TSHZ2: variants seen among roughly 807,000 people sequenced by gnomAD.
TSHZ2 encodes the protein teashirt homolog 2.
A neutral mutation model predicts 74.4 loss-of-function variants in TSHZ2; 21 were observed. That is an observed-to-expected ratio of 0.28 (90% CI 0.20 to 0.41). The LOEUF (loss-of-function observed/expected upper bound fraction) is 0.41. Ranked by LOEUF, TSHZ2 falls within the 10% of genes least tolerant of loss-of-function variation. The pLI, the probability that TSHZ2 is intolerant of heterozygous loss-of-function variation, is 1.00. For synonymous variants in TSHZ2, 540 were observed against 515.3 expected (o/e 1.05, Z -0.65); for missense variants, 1,244 against 1,293.5 (o/e 0.96, Z 0.59).
At chr20:53,023,481 T>C (rs919715297) in intron 1 of TSHZ2, among the ~76,000 whole-genome samples, 1 of 152,294 alleles carries the variant, frequency 6.6e-6, no homozygotes, top group South Asian at 2.1e-4. Flanking sequence ...CAATTTACAT[T>C]TTTAGCCTCT....
intron 2 of TSHZ2, among the ~76,000 whole-genome samples, chr20:53,426,181 T>C (rs1983648921): frequency 2.0e-5 from 3 of 152,194 alleles, no homozygotes; most frequent in Admixed American, 1.3e-4. Context: ...AAGTAACCAA[T>C]GATTTTGATT....
At chr20:53,049,913 C>T (rs1001476426) in intron 1 of TSHZ2, among the ~76,000 whole-genome samples, 4 of 151,752 alleles carry the variant, frequency 2.6e-5, no homozygotes, top group East Asian at 3.9e-4. Flanking sequence ...GAAACCCTGT[C>T]TCTACTAAAA....
chr20:52,974,818 A>G (rs1392674859), intron 1 of TSHZ2, among the ~76,000 whole-genome samples: 6 of 152,128 alleles, frequency 3.9e-5, no homozygotes, highest in African/African-American at 1.4e-4. Context: ...TTGCTTCCCT[A>G]TTTGTAAGTT....
intron 1 of TSHZ2, among the ~76,000 whole-genome samples, chr20:53,053,287 G>A (rs1421601592): frequency 6.6e-6 from 1 of 151,688 alleles, no homozygotes; most frequent in East Asian, 1.9e-4. Context: ...TCATTCATTT[G>A]TTCATTTGTT....
intron 2 of TSHZ2, among the ~76,000 whole-genome samples, chr20:53,276,059 G>A (rs1344043832): frequency 1.3e-5 from 2 of 152,188 alleles, no homozygotes. Context: ...CTCATCCAAG[G>A]AGAGAGTTGG....
Position 53,212,334 on chromosome 20 carries a change from G to A in TSHZ2, c.41-41165G>A, listed in dbSNP as rs145008323. Among the ~76,000 whole-genome samples, 511 of 152,300 alleles carry A rather than the reference G, an allele frequency of 3.4e-3. 5 individuals are homozygous for A. The highest frequency in any genetic ancestry group is 0.012 in the African/African-American group (492 of 41,562). On this transcript the variant is annotated intron_variant, in intron 1 of 2. Transcript: ENST00000371497. ...TGGAGAAACCTAACTCTTGTCATATGGTTTATTTAATGATGATACTAATTT... is the reference window on the plus strand; with the variant it reads ...TGGAGAAACCTAACTCTTGTCATATAGTTTATTTAATGATGATACTAATTT...
At chr20:53,075,352 G>A (rs1333735837) in intron 1 of TSHZ2, among the ~76,000 whole-genome samples, 5 of 152,092 alleles carry the variant, frequency 3.3e-5, no homozygotes, top group African/African-American at 1.2e-4. Context: ...GAAAGATCTT[G>A]GGTTTTTCAT....
chr20:53,268,866 G>A (rs997286495), intron 2 of TSHZ2, among the ~76,000 whole-genome samples: 1 of 152,190 alleles, frequency 6.6e-6, no homozygotes, highest in Non-Finnish European at 1.5e-5. Context: ...AGGCTTCGGG[G>A]TCAGACACAC....
intron 2 of TSHZ2, among the ~76,000 whole-genome samples, chr20:53,471,561 T>G (rs975152420): frequency 2.0e-5 from 3 of 152,140 alleles, no homozygotes; most frequent in African/African-American, 7.2e-5. Context: ...AAAGACTTAT[T>G]TGAGAAAGCA....
In TSHZ2 at chr20:53,107,889, T is replaced by G. The variant is rs1786398954; in HGVS notation, c.40+134556T>G. On this transcript the variant is annotated intron_variant, in intron 1 of 2. Coordinates refer to ENST00000371497, the MANE Select transcript of TSHZ2 (RefSeq NM_173485.6). ...CTTTCTGGCTCCCCAAGTCCTTCAG[T>G]TAAGAAAGAGATGATCTTTTGCACC... Among the ~76,000 whole-genome samples the G allele has an allele frequency of 2.0e-5, 3 of 152,222 alleles. No homozygotes were observed. In the South Asian group the frequency reaches 6.2e-4, roughly 31 times the overall value.
chr20:53,251,519 G>A (rs138211058), intron 1 of TSHZ2, among the ~76,000 whole-genome samples: 32 of 152,190 alleles, frequency 2.1e-4, no homozygotes, highest in African/African-American at 6.7e-4. Flanking sequence ...AGTTGTGACC[G>A]CTTATTAATG....
At chr20:53,472,759 C>T (rs1156535933) in intron 2 of TSHZ2, among the ~76,000 whole-genome samples, 2 of 150,994 alleles carry the variant, frequency 1.3e-5, no homozygotes, top group African/African-American at 2.4e-5. Context: ...GTTCATCTCA[C>T]TAGGGAGTGG....
chr20:53,017,701 G>A (rs768998240), intron 1 of TSHZ2, among the ~76,000 whole-genome samples: 2 of 152,172 alleles, frequency 1.3e-5, no homozygotes, highest in Non-Finnish European at 2.9e-5. Flanking sequence ...AAGATTGTCT[G>A]TGGGCTAGAG....
At chr20:53,184,226 T>C (rs1174212000) in intron 1 of TSHZ2, among the ~76,000 whole-genome samples, 2 of 152,228 alleles carry the variant, frequency 1.3e-5, no homozygotes, top group South Asian at 2.1e-4. Flanking sequence ...TCAGTTGTCC[T>C]TTATGGAATT....
At chr20:53,052,736 G>A (rs540913866) in intron 1 of TSHZ2, among the ~76,000 whole-genome samples, 4 of 152,132 alleles carry the variant, frequency 2.6e-5, no homozygotes, top group Admixed American at 1.3e-4. Flanking sequence ...TGGCTATTAC[G>A]AATAATGCTA....
intron 1 of TSHZ2, among the ~76,000 whole-genome samples, chr20:53,175,373 C>T (rs1988312315): frequency 6.6e-6 from 1 of 151,980 alleles, no homozygotes; most frequent in Admixed American, 6.5e-5. Flanking sequence ...AACTCCTGAC[C>T]TCAGGTGATC....
chr20:53,135,148 A>T (rs1310059116), intron 1 of TSHZ2, among the ~76,000 whole-genome samples: 1 of 152,162 alleles, frequency 6.6e-6, no homozygotes. Flanking sequence ...TCTTATTTTT[A>T]AAATTATCAT....
chr20:53,373,161 G>C (rs987262714), intron 2 of TSHZ2, among the ~76,000 whole-genome samples: 2 of 152,194 alleles, frequency 1.3e-5, no homozygotes, highest in African/African-American at 4.8e-5. Flanking sequence ...AAAATAAGGA[G>C]ATTAGATAAT....
Position 53,444,426 on chromosome 20 carries a change from G to A in TSHZ2, c.*9-42718G>A, listed in dbSNP as rs536705700. 4.6e-5 allele frequency among the ~76,000 whole-genome samples: 7 copies of A among 152,280 alleles called. No individual in the cohort carries two copies. The South Asian group carries it at 1.2e-3, about 27-fold the overall frequency. On this transcript the variant is annotated intron_variant, in intron 2 of 2. Transcript: ENST00000371497. ...GACAGGGGAGGAGTGGGCACCGAGG[G>A]AACAGGCAAGAAAAGGAGAGAGTGA...
Sources: gnomAD v4.1 joint callset for allele counts (sites outside exome capture counted in the v4.1 genomes callset) on GRCh38, gnomAD v4.1.1 for gene constraint, MANE v1.5 for transcripts, NCBI Gene and HGNC (gene_info 2026-07-23, HGNC 2026-07-21) for gene names.